The following UNC13C variants were observed in gnomAD, a reference collection of about 807,000 sequenced individuals.
The protein encoded by UNC13C is unc-13 homolog C.
Under a neutral mutation model 245.4 loss-of-function variants are expected in UNC13C, and 174 were observed. The ratio of observed to expected loss-of-function variants is 0.71; its 90% CI spans 0.63 to 0.80. UNC13C has a LOEUF of 0.80. Ranked by LOEUF, UNC13C falls within the 30% of genes least tolerant of loss-of-function variation. The pLI, the probability that UNC13C is intolerant of heterozygous loss-of-function variation, is 0.00. For missense variants in UNC13C, 2,829 were observed against 2,602.9 expected (o/e 1.09, Z -1.89); for synonymous variants, 992 against 895.1 (o/e 1.11, Z -1.93).
chr15:54,322,038 A>G lies in UNC13C; in HGVS notation c.4368A>G (p.Thr1456=). The G allele has an allele frequency of 6.3e-7, 1 of 1,591,568 alleles. No individual in the cohort carries two copies. The highest frequency in any genetic ancestry group is 8.6e-7 in the Non-Finnish European group (1 of 1,167,760). Residue 1456 remains threonine, a synonymous_variant, in exon 14 of 33, where the codon ACA becomes ACG. Coordinates refer to ENST00000260323, the MANE Select transcript of UNC13C (RefSeq NM_001080534.3). The part of the protein sequence containing the change: ...ANINAFYAHT[T]VSTNIQVSAS... ...TAAATGCTTTTTATGCTCACACAAC[A>G]GTTTCAACAAACATACAGGTTTCTG... is the stretch of plus-strand genomic sequence containing the variant.
At chr15:53,949,797 T>G in the UNC13C span, among the ~76,000 whole-genome samples, 1 of 152,234 alleles carries the variant, frequency 6.6e-6, no homozygotes, top group Non-Finnish European at 1.5e-5. Flanking sequence ...ATTTGCACTT[T>G]ATAGTCCTCA....
intron 4 of UNC13C, among the ~76,000 whole-genome samples, chr15:54,175,811 T>C (rs539591655): frequency 3.9e-5 from 6 of 152,300 alleles, no homozygotes; most frequent in African/African-American, 9.6e-5. Context: ...AGTGGACTTA[T>C]TGAAAGTGTT....
At chr15:54,449,250 G>A (rs914189860) in intron 19 of UNC13C, among the ~76,000 whole-genome samples, 22 of 152,060 alleles carry the variant, frequency 1.4e-4, no homozygotes, top group African/African-American at 5.3e-4. Context: ...ACAATTATGT[G>A]TCTTGGAGTT....
At position 54,464,643 on chromosome 15, in the gene UNC13C, A is replaced by T. The variant is rs547204590; in HGVS notation, c.4934-29965A>T. Among the ~76,000 whole-genome samples, 53 of 152,232 alleles carry T rather than the reference A, an allele frequency of 3.5e-4. 1 individual carries two copies. The highest frequency in any genetic ancestry group is 6.5e-4 in the Non-Finnish European group (44 of 67,952). On this transcript the variant is annotated intron_variant, in intron 19 of 32. Transcript: ENST00000260323. ...TTAAAAACTTTTAAATCAAATTTTT[A>T]TTTGAATAATTTTAGAAGGAAGAAC...
At chr15:54,531,970 C>T (rs1352105074) in intron 25 of UNC13C, among the ~76,000 whole-genome samples, 1 of 152,084 alleles carries the variant, frequency 6.6e-6, no homozygotes, top group Non-Finnish European at 1.5e-5. Flanking sequence ...TAACACAATG[C>T]TTTTAAGCAT....
intron 26 of UNC13C, among the ~76,000 whole-genome samples, chr15:54,539,473 C>A (rs556473597): frequency 3.9e-5 from 6 of 152,080 alleles, no homozygotes; most frequent in African/African-American, 1.4e-4. Context: ...ACATAATTTT[C>A]TATACATTCT....
At chr15:54,381,282 C>A (rs140840526) in intron 17 of UNC13C, among the ~76,000 whole-genome samples, 1 of 151,982 alleles carries the variant, frequency 6.6e-6, no homozygotes, top group Non-Finnish European at 1.5e-5. Context: ...TATTTTTCAG[C>A]TCTCTATTCT....
chr15:53,961,277 C>A, the UNC13C span, among the ~76,000 whole-genome samples: 1 of 152,244 alleles, frequency 6.6e-6, no homozygotes, highest in Non-Finnish European at 1.5e-5. Flanking sequence ...CCTTGGTGCT[C>A]TTATTCCTTT....
intron 13 of UNC13C, among the ~76,000 whole-genome samples, chr15:54,312,362 T>C (rs2037895893): frequency 6.6e-6 from 1 of 151,770 alleles, no homozygotes; most frequent in Admixed American, 6.6e-5. Context: ...GACCAGCCCC[T>C]AAAAATTTTC....
the UNC13C span, among the ~76,000 whole-genome samples, chr15:53,931,560 A>G: frequency 6.6e-6 from 1 of 150,866 alleles, no homozygotes; most frequent in African/African-American, 2.4e-5. Flanking sequence ...CCTTCTTCCT[A>G]ATCTTGTATG....
intron 10 of UNC13C, among the ~76,000 whole-genome samples, chr15:54,273,612 A>C (rs977231345): frequency 6.6e-6 from 1 of 152,050 alleles, no homozygotes; most frequent in Non-Finnish European, 1.5e-5. Flanking sequence ...TAAAACTATC[A>C]CTTGTATGTT....
intron 19 of UNC13C, among the ~76,000 whole-genome samples, chr15:54,423,011 ACAT>A (rs1207252225): frequency 1.3e-5 from 2 of 151,766 alleles, no homozygotes; most frequent in Non-Finnish European, 2.9e-5. Flanking sequence ...TGAAATATAA[ACAT>A]CATGATAAAG....
intron 17 of UNC13C, among the ~76,000 whole-genome samples, chr15:54,382,996 G>C (rs771025886): frequency 6.6e-6 from 1 of 152,108 alleles, no homozygotes; most frequent in African/African-American, 2.4e-5. Flanking sequence ...ATTCAATGAG[G>C]AAGAAACAGG....
At chr15:54,241,374 T>C (rs2035846983) in intron 7 of UNC13C, among the ~76,000 whole-genome samples, 2 of 151,988 alleles carry the variant, frequency 1.3e-5, no homozygotes, top group East Asian at 1.9e-4. Context: ...AAAGATAACA[T>C]GGAAGGAGAA....
intron 1 of UNC13C, among the ~76,000 whole-genome samples, chr15:54,004,589 G>C (rs2140979646): frequency 6.6e-6 from 1 of 152,258 alleles, no homozygotes; most frequent in South Asian, 2.1e-4. Context: ...CCTTCAAACT[G>C]TTCTCCATAG....
At chr15:54,537,472 G>GA (rs968495265) in intron 26 of UNC13C, among the ~76,000 whole-genome samples, 16 of 149,034 alleles carry the variant, frequency 1.1e-4, no homozygotes, top group South Asian at 8.5e-4. Context: ...CACAGAATTA[G>GA]AAAAAAAAAA....
intron 16 of UNC13C, among the ~76,000 whole-genome samples, chr15:54,337,282 G>A (rs938296682): frequency 3.9e-5 from 6 of 152,040 alleles, no homozygotes; most frequent in East Asian, 3.9e-4. Context: ...CTCAACCAGC[G>A]TTGTTTCTTT....
chr15:54,248,817 C>T (rs965391779), intron 7 of UNC13C, among the ~76,000 whole-genome samples: 2 of 152,096 alleles, frequency 1.3e-5, no homozygotes, highest in African/African-American at 2.4e-5. Flanking sequence ...ACTGAGGCTC[C>T]GTTCCCTGGT....
chr15:54,248,254 C>A (rs1485797585), intron 7 of UNC13C, among the ~76,000 whole-genome samples: 1 of 152,010 alleles, frequency 6.6e-6, no homozygotes, highest in South Asian at 2.1e-4. Context: ...TTGCCTGATG[C>A]AATTGCAAGT....
Sources: gnomAD v4.1 joint callset for allele counts (sites outside exome capture counted in the v4.1 genomes callset) on GRCh38, gnomAD v4.1.1 for gene constraint, MANE v1.5 for transcripts, NCBI Gene and HGNC (gene_info 2026-07-23, HGNC 2026-07-21) for gene names.